The following DACH1 variants were observed in gnomAD, a reference collection of about 807,000 sequenced individuals.
The protein encoded by DACH1 is dachshund family transcription factor 1, also known as dachshund homolog 1.
In DACH1, 12 loss-of-function variants were observed where a neutral mutation model predicts 54.2. That is an observed-to-expected ratio of 0.22 (90% CI 0.14 to 0.36). DACH1 has a LOEUF of 0.36. DACH1 is among the 10% of genes least tolerant of loss of function. The pLI is 1.00. For synonymous variants in DACH1, 386 were observed against 366.2 expected (o/e 1.05, Z -0.62); for missense variants, 805 against 929.8 (o/e 0.87, Z 1.75).
chr13:71,468,689 G>A (rs952324650), intron 10 of DACH1, among the ~76,000 whole-genome samples: 5 of 152,190 alleles, frequency 3.3e-5, no homozygotes, highest in Non-Finnish European at 7.4e-5. Flanking sequence ...CTCACCAAAT[G>A]TCATATATTA....
chr13:71,612,096 A>G (rs1407922781), intron 3 of DACH1, among the ~76,000 whole-genome samples: 1 of 152,156 alleles, frequency 6.6e-6, no homozygotes, highest in African/African-American at 2.4e-5. Flanking sequence ...GAACATGGAA[A>G]GTGATACATA....
intron 1 of DACH1, among the ~76,000 whole-genome samples, chr13:71,751,284 G>A (rs1375645331): frequency 6.6e-6 from 1 of 152,150 alleles, no homozygotes; most frequent in African/African-American, 2.4e-5. Flanking sequence ...CTTAAGTGCT[G>A]TTTACTATAA....
intron 1 of DACH1, among the ~76,000 whole-genome samples, chr13:71,736,021 C>T (rs1433634753): frequency 6.6e-6 from 1 of 152,026 alleles, no homozygotes; most frequent in Non-Finnish European, 1.5e-5. Context: ...AATCTATCTC[C>T]ATGATACTAG....
chr13:71,708,315 A>T (rs573929779), intron 1 of DACH1, among the ~76,000 whole-genome samples: 1 of 152,286 alleles, frequency 6.6e-6, no homozygotes. Context: ...TCATTTATTA[A>T]GTTTTTCACT....
At chr13:71,627,380 G>T (rs902940508) in intron 3 of DACH1, among the ~76,000 whole-genome samples, 1 of 149,152 alleles carries the variant, frequency 6.7e-6, no homozygotes, top group Non-Finnish European at 1.5e-5. Flanking sequence ...GAACTTATGA[G>T]CTAGATGAGT....
chr13:71,701,696 A>C (rs1240181545), intron 1 of DACH1, among the ~76,000 whole-genome samples: 1 of 152,180 alleles, frequency 6.6e-6, no homozygotes, highest in Non-Finnish European at 1.5e-5. Flanking sequence ...AGGTAGAAAG[A>C]TGAAAATAAA....
chr13:71,721,488 G>GT lies in DACH1; in HGVS notation c.849-39579dup, dbSNP rs1883227824. ...GGTAACTAGGGGTAGTCCAAATTCT[G>GT]TAATTATCTGACTTTGCATTCATTA... On this transcript the variant is annotated intron_variant, in intron 1 of 10. Coordinates refer to ENST00000613252, the MANE Select transcript of DACH1 (RefSeq NM_080759.6). 2.6e-5 allele frequency among the ~76,000 whole-genome samples: 4 copies of GT among 152,188 alleles called. No individual in the cohort carries two copies. The South Asian group carries it at 8.3e-4, about 32-fold the overall frequency.
intron 2 of DACH1, among the ~76,000 whole-genome samples, chr13:71,669,670 C>T (rs1481184904): frequency 4.6e-5 from 7 of 152,216 alleles, no homozygotes; most frequent in South Asian, 2.1e-4. Flanking sequence ...TTCACAAAGT[C>T]CTATTGAGTA....
rs555154393 is a variant in DACH1, at chr13:71,710,560, A to T, written c.849-28650T>A. 2.6e-5 allele frequency among the ~76,000 whole-genome samples: 4 copies of T among 151,938 alleles called. No individual in the cohort carries two copies. The South Asian group carries it at 8.3e-4, about 32-fold the overall frequency. ...GAAAAACAGGATGGAAAAGTGAACA[A>T]GAGCTATCATAAAGGATCTTGTAAG... On this transcript the variant is annotated intron_variant, in intron 1 of 10. Transcript: ENST00000613252.
intron 3 of DACH1, among the ~76,000 whole-genome samples, chr13:71,602,426 C>A (rs1874562888): frequency 6.6e-6 from 1 of 150,608 alleles, no homozygotes; most frequent in Non-Finnish European, 1.5e-5. Context: ...CTTCTATTCT[C>A]CTTAACCCTT....
intron 1 of DACH1, among the ~76,000 whole-genome samples, chr13:71,768,963 T>G (rs924656867): frequency 2.6e-5 from 4 of 151,850 alleles, no homozygotes; most frequent in Admixed American, 2.0e-4. Flanking sequence ...ATTACACTAC[T>G]TTATCTTGAC....
intron 6 of DACH1, among the ~76,000 whole-genome samples, chr13:71,540,550 G>C (rs1883065575): frequency 6.6e-6 from 1 of 151,910 alleles, no homozygotes; most frequent in African/African-American, 2.4e-5. Flanking sequence ...TATTATATGT[G>C]GGTTATCACA....
At chr13:71,577,040 T>A (rs1885572952) in intron 3 of DACH1, among the ~76,000 whole-genome samples, 1 of 152,140 alleles carries the variant, frequency 6.6e-6, no homozygotes, top group Non-Finnish European at 1.5e-5. Flanking sequence ...TTCAAGGGAA[T>A]CCTTACTGAG....
At chr13:71,717,422 C>G (rs1883025088) in intron 1 of DACH1, among the ~76,000 whole-genome samples, 1 of 151,468 alleles carries the variant, frequency 6.6e-6, no homozygotes, top group Admixed American at 6.6e-5. Flanking sequence ...TCTTTCACTG[C>G]AGATAGCAGT....
At chr13:71,488,932 T>G in intron 7 of DACH1, 65 bp downstream of exon 7, 1 of 1,496,216 alleles carries the variant, frequency 6.7e-7, no homozygotes, top group Non-Finnish European at 9.1e-7. Flanking sequence ...GTATAAATTT[T>G]GGAAAAAAAA....
chr13:71,677,269 C>A (rs529145076), intron 2 of DACH1, among the ~76,000 whole-genome samples: 1 of 152,268 alleles, frequency 6.6e-6, no homozygotes, highest in Non-Finnish European at 1.5e-5. Context: ...ATGACAAGTG[C>A]TCAGTCAAAA....
intron 10 of DACH1, among the ~76,000 whole-genome samples, chr13:71,457,326 G>A (rs747200008): frequency 6.6e-6 from 1 of 151,876 alleles, no homozygotes; most frequent in Non-Finnish European, 1.5e-5. Context: ...TTGACACTTT[G>A]TCATAGATAA....
intron 8 of DACH1, among the ~76,000 whole-genome samples, chr13:71,478,660 G>A (rs1254857708): frequency 6.6e-6 from 1 of 152,082 alleles, no homozygotes; most frequent in Non-Finnish European, 1.5e-5. Flanking sequence ...GACCTTGTTG[G>A]ATGAAAATGA....
chr13:71,440,948 C>T (rs1438688574), intron 10 of DACH1, among the ~76,000 whole-genome samples: 1 of 151,950 alleles, frequency 6.6e-6, no homozygotes, highest in Admixed American at 6.6e-5. Context: ...CCAGAGCACT[C>T]AGAAAATAGC....
Sources: gnomAD v4.1 joint callset for allele counts (sites outside exome capture counted in the v4.1 genomes callset) on GRCh38, gnomAD v4.1.1 for gene constraint, MANE v1.5 for transcripts, NCBI Gene and HGNC (gene_info 2026-07-23, HGNC 2026-07-21) for gene names.